Variants in MTFR1 observed in about 807,000 individuals in gnomAD.
MTFR1 encodes mitochondrial fission regulator 1.
Under a neutral mutation model 38.8 loss-of-function variants are expected in MTFR1, and 28 were observed. The ratio of observed to expected loss-of-function variants is 0.72; its 90% CI spans 0.53 to 0.99. The LOEUF (loss-of-function observed/expected upper bound fraction) is 0.99. Ranked by LOEUF, MTFR1 falls within the 50% of genes least tolerant of loss-of-function variation. The pLI is 0.00. For missense variants in MTFR1, 358 were observed against 395.5 expected (o/e 0.91, Z 0.81); for synonymous variants, 145 against 137.0 (o/e 1.06, Z -0.41).
intron 4 of MTFR1, among the ~76,000 whole-genome samples, chr8:65,700,127 G>A (rs1024486682): frequency 6.6e-6 from 1 of 151,660 alleles, no homozygotes; most frequent in African/African-American, 2.4e-5. Flanking sequence ...GAGGTGGGTG[G>A]GTTGCTTGAC....
intron 3 of MTFR1, among the ~76,000 whole-genome samples, chr8:65,731,357 A>G (rs1274105628): frequency 2.0e-5 from 3 of 152,200 alleles, no homozygotes; most frequent in Non-Finnish European, 2.9e-5. Context: ...TGCCAGGGAC[A>G]AGTAGAGCAA....
intron 3 of MTFR1, among the ~76,000 whole-genome samples, chr8:65,768,505 C>A (rs116173713): frequency 3.0e-4 from 46 of 152,256 alleles, no homozygotes; most frequent in African/African-American, 1.0e-3. Flanking sequence ...CTTTCACCTT[C>A]GGCCGTAATT....
chr8:65,680,627 G>A (rs78141695), intron 2 of MTFR1, among the ~76,000 whole-genome samples: 3,185 of 152,166 alleles, frequency 0.021, 113 homozygotes, highest in African/African-American at 0.072. Flanking sequence ...ACAGTGAACC[G>A]TTGTTTGGTT....
downstream of MTFR1, among the ~76,000 whole-genome samples, chr8:65,712,181 G>A (rs1805965058): frequency 6.6e-6 from 1 of 152,140 alleles, no homozygotes; most frequent in Non-Finnish European, 1.5e-5. Context: ...GTGGAAACTA[G>A]GTATCATTTT....
At chr8:65,693,432 A>G (rs181659365) in intron 3 of MTFR1, among the ~76,000 whole-genome samples, 220 of 152,224 alleles carry the variant, frequency 1.4e-3, no homozygotes, top group Non-Finnish European at 2.5e-3. Context: ...ATAAAATGAA[A>G]ACTGAATAAA....
chr8:65,730,686 G>A (rs1270180515), intron 3 of MTFR1, among the ~76,000 whole-genome samples: 2 of 152,112 alleles, frequency 1.3e-5, no homozygotes, highest in Non-Finnish European at 2.9e-5. Context: ...CCAGCACTTT[G>A]CAGGGCCAAG....
chr8:65,654,752 A>T (rs1468114745), intron 1 of MTFR1, among the ~76,000 whole-genome samples: 1 of 151,994 alleles, frequency 6.6e-6, no homozygotes, highest in Admixed American at 6.6e-5. Flanking sequence ...TAATTTTTAA[A>T]TTTTTTGTAG....
chr8:65,699,290 C>CT (rs758109233), intron 4 of MTFR1, among the ~76,000 whole-genome samples: 1 of 152,174 alleles, frequency 6.6e-6, no homozygotes, highest in Non-Finnish European at 1.5e-5. Context: ...GTGAACAGTG[C>CT]TGTGATGAAC....
chr8:65,729,990 C>T (rs1806785090), intron 3 of MTFR1, among the ~76,000 whole-genome samples: 1 of 151,778 alleles, frequency 6.6e-6, no homozygotes, highest in African/African-American at 2.4e-5. Context: ...AATCCCCAGG[C>T]CATGGACCGG....
intron 1 of MTFR1, among the ~76,000 whole-genome samples, chr8:65,656,087 T>C (rs1809261956): frequency 6.7e-6 from 1 of 148,242 alleles, no homozygotes; most frequent in Non-Finnish European, 1.5e-5. Context: ...TCCCAGCTAC[T>C]CAGGAGGCTG....
downstream of MTFR1, among the ~76,000 whole-genome samples, chr8:65,712,241 T>TA (rs991382303): frequency 6.6e-6 from 1 of 152,330 alleles, no homozygotes; most frequent in Non-Finnish European, 1.5e-5. Context: ...CATTCTGAAA[T>TA]ACTAGCATTG....
intron 3 of MTFR1, among the ~76,000 whole-genome samples, chr8:65,757,908 C>T (rs1808312886): frequency 6.6e-6 from 1 of 152,204 alleles, no homozygotes; most frequent in Non-Finnish European, 1.5e-5. Context: ...TGAGCCACCA[C>T]ACCCAGCCAA....
intron 3 of MTFR1, among the ~76,000 whole-genome samples, chr8:65,751,386 C>T (rs894972630): frequency 6.6e-6 from 1 of 152,000 alleles, no homozygotes; most frequent in South Asian, 2.1e-4. Flanking sequence ...ATGATTCAAC[C>T]CTCTATGTGT....
downstream of MTFR1, among the ~76,000 whole-genome samples, chr8:65,714,118 G>A (rs980048124): frequency 5.3e-5 from 8 of 151,386 alleles, no homozygotes; most frequent in African/African-American, 1.7e-4. Flanking sequence ...TATATAACAT[G>A]TTGCACTTAT....
At chr8:65,741,687 GAA>G (rs975775217) in intron 3 of MTFR1, among the ~76,000 whole-genome samples, 1 of 152,198 alleles carries the variant, frequency 6.6e-6, no homozygotes, top group African/African-American at 2.4e-5. Context: ...AGCCATTTCT[GAA>G]GAAGTGAACA....
Position 65,709,138 on chromosome 8 carries a change from C to T in MTFR1, c.*94C>T. The T allele has an allele frequency of 9.4e-7, 1 of 1,066,692 alleles. No homozygotes were observed. The highest frequency in any genetic ancestry group is 1.3e-5 in the South Asian group (1 of 77,502). The allele number at this position is 1,066,692 out of a possible 1,614,324, so 66.1% of individuals were successfully genotyped here. A position where few individuals can be genotyped will look rare whatever the true frequency, so the allele number is the denominator to read the frequency against. On this transcript the variant is annotated 3_prime_UTR_variant, in exon 8 of 8. Transcript: ENST00000262146. ...AATCGACACTGTTTAGTAAATACCT[C>T]TTTAGTATTCAGTGGTCTTCTTTTC...
At chr8:65,674,496 C>T (rs1349301317) in intron 2 of MTFR1, among the ~76,000 whole-genome samples, 1 of 151,904 alleles carries the variant, frequency 6.6e-6, no homozygotes, top group Non-Finnish European at 1.5e-5. Flanking sequence ...CCTGTAGTCC[C>T]AGCTACTTGG....
intron 1 of MTFR1, among the ~76,000 whole-genome samples, chr8:65,649,777 A>G (rs937579768): frequency 6.6e-6 from 1 of 150,662 alleles, no homozygotes; most frequent in Non-Finnish European, 1.5e-5. Flanking sequence ...AACCATCCCT[A>G]CTCCATCTCC....
chr8:65,655,519 C>T (rs1402554638), intron 1 of MTFR1, among the ~76,000 whole-genome samples: 1 of 152,026 alleles, frequency 6.6e-6, no homozygotes, highest in Non-Finnish European at 1.5e-5. Context: ...AAATTACTAC[C>T]AGTAAATTGT....
Sources: gnomAD v4.1 joint callset for allele counts (sites outside exome capture counted in the v4.1 genomes callset) on GRCh38, gnomAD v4.1.1 for gene constraint, MANE v1.5 for transcripts, NCBI Gene and HGNC (gene_info 2026-07-23, HGNC 2026-07-21) for gene names.